Variants in CNTNAP2 observed in about 807,000 individuals in gnomAD.
CNTNAP2 encodes the protein contactin-associated protein-like 2.
CNTNAP2 carries 98 observed loss-of-function variants against 155.2 expected under a neutral mutation model. The ratio of observed to expected loss-of-function variants is 0.63; its 90% CI spans 0.54 to 0.75. The LOEUF (loss-of-function observed/expected upper bound fraction) is 0.75, where lower values mean the gene tolerates loss of function less well. Ranked by LOEUF, CNTNAP2 falls within the 30% of genes least tolerant of loss-of-function variation. CNTNAP2 has a pLI of 0.00. For synonymous variants in CNTNAP2, 651 were observed against 631.2 expected, an observed-to-expected ratio of 1.03 and a Z score of -0.47; for missense variants, 1,727 against 1,688.1, an observed-to-expected ratio of 1.02 and a Z score of -0.40.
chr7:147,094,297 T>C (rs550763790), intron 4 of CNTNAP2, among the ~76,000 whole-genome samples: 2 of 152,314 alleles, frequency 1.3e-5, no homozygotes, highest in African/African-American at 2.4e-5. Context: ...CTTAAGAAGA[T>C]TGAGGTTCTT....
At chr7:146,606,258 G>T (rs1362388185) in intron 1 of CNTNAP2, among the ~76,000 whole-genome samples, 3 of 152,044 alleles carry the variant, frequency 2.0e-5, no homozygotes, top group African/African-American at 7.2e-5. Flanking sequence ...GAATTATATT[G>T]TATGTATGCT....
chr7:147,098,265 A>G (rs886078601), intron 4 of CNTNAP2, among the ~76,000 whole-genome samples: 1 of 152,160 alleles, frequency 6.6e-6, no homozygotes, highest in African/African-American at 2.4e-5. Context: ...CAGCTTCCTC[A>G]GGGAGCATTA....
intron 8 of CNTNAP2, among the ~76,000 whole-genome samples, chr7:147,142,308 C>T (rs1412083131): frequency 1.3e-5 from 2 of 152,052 alleles, no homozygotes; most frequent in Non-Finnish European, 2.9e-5. Flanking sequence ...TGTCAAAGGC[C>T]TTTTCTGCAT....
chr7:146,832,411 C>G (rs1356884092), intron 2 of CNTNAP2, among the ~76,000 whole-genome samples: 1 of 150,846 alleles, frequency 6.6e-6, no homozygotes, highest in Non-Finnish European at 1.5e-5. Context: ...TCCCCAATAT[C>G]TTTTAACTAC....
chr7:146,662,874 C>A lies in CNTNAP2; in HGVS notation c.98-111397C>A, dbSNP rs77669573. On this transcript the variant is annotated intron_variant, in intron 1 of 23. Coordinates refer to ENST00000361727, the MANE Select transcript of CNTNAP2 (RefSeq NM_014141.6). Reference sequence around the variant, plus strand: ...GTGCCTTCATGAGAAATCAACTGACCTTATATTTGCGAGTCTGTATCCAGA... The same window carrying A: ...GTGCCTTCATGAGAAATCAACTGACATTATATTTGCGAGTCTGTATCCAGA... Among the ~76,000 whole-genome samples the A allele has an allele frequency of 1.2e-4, 18 of 152,192 alleles. No individual in the cohort carries two copies. The East Asian group carries it at 3.1e-3, about 26-fold the overall frequency.
intron 5 of CNTNAP2, among the ~76,000 whole-genome samples, chr7:147,117,385 A>C (rs961827643): frequency 3.9e-5 from 6 of 152,074 alleles, no homozygotes; most frequent in Admixed American, 1.3e-4. Context: ...TTCCCTTGGC[A>C]GGGGTTGGGG....
intron 10 of CNTNAP2, among the ~76,000 whole-genome samples, chr7:147,413,897 A>G (rs990750519): frequency 6.6e-6 from 1 of 152,116 alleles, no homozygotes; most frequent in Non-Finnish European, 1.5e-5. Context: ...AGAAAAGCCT[A>G]TTTTCTTTTC....
intron 3 of CNTNAP2, among the ~76,000 whole-genome samples, chr7:146,947,365 T>C (rs1797197993): frequency 1.3e-5 from 2 of 148,242 alleles, no homozygotes; most frequent in African/African-American, 5.0e-5. Context: ...TGAACACCCC[T>C]ATCAAGTTCC....
At chr7:146,867,999 T>G (rs1469351076) in intron 3 of CNTNAP2, among the ~76,000 whole-genome samples, 1 of 152,216 alleles carries the variant, frequency 6.6e-6, no homozygotes, top group African/African-American at 2.4e-5. Context: ...TAGTTTCTTT[T>G]GCTGCAGAAA....
intron 1 of CNTNAP2, among the ~76,000 whole-genome samples, chr7:146,346,710 GA>G (rs200681862): frequency 6.7e-6 from 1 of 149,000 alleles, no homozygotes; most frequent in East Asian, 2.0e-4. Context: ...CGGTCCAAAG[GA>G]AAAAAAAAGA....
intron 13 of CNTNAP2, among the ~76,000 whole-genome samples, chr7:147,827,841 A>C (rs2116630724): frequency 6.6e-6 from 1 of 152,154 alleles, no homozygotes; most frequent in East Asian, 1.9e-4. Context: ...CTTGTATTAA[A>C]CCCATCATTT....
rs1002748931 is a variant in CNTNAP2 at position 148,011,566 on chromosome 7, A to G, written c.2383+33577A>G. Among the ~76,000 whole-genome samples, 30 of 151,830 alleles carry G rather than the reference A, an allele frequency of 2.0e-4. 1 individual carries two copies. The highest frequency in any genetic ancestry group is 2.6e-4 in the Admixed American group (4 of 15,246). ...CCTCATCTGTTTTGGTATTTTTGTT[A>G]TCTTTCTGCTTATCCCTTGCACCTT... On this transcript the variant is annotated intron_variant, in intron 15 of 23. Coordinates refer to ENST00000361727, the MANE Select transcript of CNTNAP2 (RefSeq NM_014141.6).
chr7:146,618,515 C>T (rs1799264618), intron 1 of CNTNAP2, among the ~76,000 whole-genome samples: 2 of 152,030 alleles, frequency 1.3e-5, no homozygotes, highest in Non-Finnish European at 2.9e-5. Context: ...GAAGACTGTT[C>T]CTATGATGAT....
chr7:146,982,480 C>A (rs1458812235), intron 3 of CNTNAP2, among the ~76,000 whole-genome samples: 1 of 152,120 alleles, frequency 6.6e-6, no homozygotes, highest in Non-Finnish European at 1.5e-5. Context: ...TCATGTTTAG[C>A]ACTCTTTGAA....
chr7:148,363,513 C>T lies in CNTNAP2; in HGVS notation c.3476-20136C>T, dbSNP rs760422884. On this transcript the variant is annotated intron_variant, in intron 21 of 23. Transcript: ENST00000361727. ...TGCTTTTGCAGGGTGAGCTCAAAAACGTACGATGGGTTTACTGGGATGTAG... is the reference window on the plus strand; with the variant it reads ...TGCTTTTGCAGGGTGAGCTCAAAAATGTACGATGGGTTTACTGGGATGTAG... Among the ~76,000 whole-genome samples, 100 of 152,326 alleles carry T rather than the reference C, an allele frequency of 6.6e-4. 1 individual carries two copies. Among genetic ancestry groups the T allele is most frequent in the Admixed American group, 1.1e-3 (17 of 15,308 alleles).
At chr7:147,576,940 C>G (rs946452503) in intron 12 of CNTNAP2, among the ~76,000 whole-genome samples, 6 of 151,956 alleles carry the variant, frequency 3.9e-5, no homozygotes, top group African/African-American at 1.2e-4. Context: ...GCCATATTGT[C>G]TAATACACAT....
chr7:147,247,942 T>TA (rs763750580), intron 8 of CNTNAP2, among the ~76,000 whole-genome samples: 3 of 151,972 alleles, frequency 2.0e-5, no homozygotes, highest in African/African-American at 7.3e-5. Context: ...AAAAAATTTT[T>TA]AAAAAAAGGT....
intron 8 of CNTNAP2, among the ~76,000 whole-genome samples, chr7:147,283,178 T>C (rs560574776): frequency 6.6e-6 from 1 of 152,090 alleles, no homozygotes; most frequent in South Asian, 2.1e-4. Context: ...GTTTTAAAGA[T>C]AACAGTGACT....
intron 8 of CNTNAP2, among the ~76,000 whole-genome samples, chr7:147,185,135 C>T (rs1320582026): frequency 1.3e-5 from 2 of 151,750 alleles, no homozygotes; most frequent in African/African-American, 2.4e-5. Flanking sequence ...ATTAATTATA[C>T]AAATATTAAT....
Sources: allele counts gnomAD v4.1 joint callset (sites outside exome capture counted in the v4.1 genomes callset), GRCh38; gene constraint gnomAD v4.1.1; transcripts MANE v1.5; gene names NCBI Gene and HGNC (gene_info 2026-07-23, HGNC 2026-07-21).